The following PHF20 variants were observed in gnomAD, a reference collection of about 807,000 sequenced individuals.
The protein encoded by PHF20 is glioma-expressed antigen 2.
A neutral mutation model predicts 113.5 loss-of-function variants in PHF20; 23 were observed. The observed-to-expected ratio is 0.20, with a 90% CI of 0.15 to 0.29. PHF20 has a LOEUF of 0.29. Among genes scored for constraint, PHF20 ranks in the 10% least tolerant of loss-of-function variants. The pLI is 1.00. For synonymous variants in PHF20, 434 were observed against 457.3 expected (o/e 0.95, Z 0.65); for missense variants, 943 against 1,219.6 (o/e 0.77, Z 3.38).
chr20:35,776,341 C>G (rs1217988620), intron 1 of PHF20, among the ~76,000 whole-genome samples: 2 of 152,102 alleles, frequency 1.3e-5, no homozygotes, highest in Non-Finnish European at 2.9e-5. Flanking sequence ...CAGGATAAAG[C>G]TATGTTCCCC....
intron 4 of PHF20, among the ~76,000 whole-genome samples, chr20:35,856,102 C>A (rs2042823061): frequency 6.6e-6 from 1 of 152,076 alleles, no homozygotes; most frequent in African/African-American, 2.4e-5. Context: ...TTCCCCCACC[C>A]CTGCCTACTA....
intron 1 of PHF20, among the ~76,000 whole-genome samples, chr20:35,797,812 C>T (rs1426203018): frequency 2.0e-5 from 3 of 151,306 alleles, no homozygotes; most frequent in Admixed American, 6.6e-5. Flanking sequence ...CCACCATGCC[C>T]GGCTAATTTT....
intron 2 of PHF20, among the ~76,000 whole-genome samples, chr20:35,814,689 C>T (rs1329726187): frequency 4.8e-5 from 7 of 147,212 alleles, no homozygotes; most frequent in African/African-American, 1.2e-4. Context: ...CCGGCTAAAA[C>T]GGTGAAACCC....
chr20:35,927,726 T>A, intron 13 of PHF20, 54 bp from the exon 14 acceptor site: 8 of 1,400,754 alleles, frequency 5.7e-6, no homozygotes, highest in Non-Finnish European at 8.1e-6. Flanking sequence ...GTCTTACTTT[T>A]GGATGGAGAA....
intron 17 of PHF20, among the ~76,000 whole-genome samples, chr20:35,945,659 G>A (rs2056071925): frequency 6.6e-6 from 1 of 152,106 alleles, no homozygotes; most frequent in Admixed American, 6.6e-5. Flanking sequence ...CTACAGGCAG[G>A]CTGGGATAGC....
chr20:35,839,156 C>T (rs987728320), intron 2 of PHF20, among the ~76,000 whole-genome samples: 7 of 151,486 alleles, frequency 4.6e-5, no homozygotes, highest in Non-Finnish European at 8.8e-5. Flanking sequence ...TTTGGGAGGC[C>T]GAGGGGGGCG....
intron 2 of PHF20, among the ~76,000 whole-genome samples, chr20:35,825,229 C>A (rs1205372685): frequency 1.3e-5 from 2 of 152,070 alleles, no homozygotes; most frequent in Non-Finnish European, 2.9e-5. Context: ...TGGTATTGGC[C>A]CAGACTGGAC....
At chr20:35,845,185 A>G (rs2042601467) in intron 3 of PHF20, among the ~76,000 whole-genome samples, 2 of 150,618 alleles carry the variant, frequency 1.3e-5, no homozygotes, top group South Asian at 2.1e-4. Context: ...TATCTTTTGA[A>G]GCTTCATTTA....
chr20:35,823,655 G>A (rs6141569), intron 2 of PHF20, among the ~76,000 whole-genome samples: 3 of 142,632 alleles, frequency 2.1e-5, no homozygotes, highest in South Asian at 2.2e-4. Context: ...AAAAAAAAAA[G>A]GGGTGAAGAA....
intron 1 of PHF20, chr20:35,800,207 TAAA>T (rs201665318): frequency 6.6e-6 from 1 of 151,386 alleles, no homozygotes; most frequent in African/African-American, 2.4e-5. Context: ...GTTCTATGAT[TAAA>T]AAAAAATCTG....
chr20:35,841,407 C>T (rs1210229926), intron 2 of PHF20, among the ~76,000 whole-genome samples: 1 of 151,910 alleles, frequency 6.6e-6, no homozygotes, highest in Non-Finnish European at 1.5e-5. Context: ...TGTTCTGAAT[C>T]ATATAACTGT....
chr20:35,933,105 CT>C (rs112208395), intron 15 of PHF20, among the ~76,000 whole-genome samples: 15,002 of 143,902 alleles, frequency 0.1, 765 homozygotes, highest in Middle Eastern at 0.17. Context: ...CTAAATATTC[CT>C]TTTTTTTTTT....
chr20:35,840,407 A>C (rs1347586270), intron 2 of PHF20, among the ~76,000 whole-genome samples: 1 of 152,224 alleles, frequency 6.6e-6, no homozygotes, highest in Admixed American at 6.5e-5. Flanking sequence ...TGCTGGAAAC[A>C]GAAACCAGCC....
intron 2 of PHF20, among the ~76,000 whole-genome samples, chr20:35,813,707 A>G (rs996915193): frequency 6.6e-6 from 1 of 152,034 alleles, no homozygotes; most frequent in Non-Finnish European, 1.5e-5. Context: ...AAAATACAAA[A>G]ATTAGCCAGG....
At chr20:35,919,134 C>T (rs2055461401) in intron 13 of PHF20, among the ~76,000 whole-genome samples, 3 of 151,360 alleles carry the variant, frequency 2.0e-5, no homozygotes, top group African/African-American at 7.3e-5. Flanking sequence ...CGCCTGCCTC[C>T]ACTGCCCGAG....
chr20:35,881,555 AAG>A (rs1491174485), intron 9 of PHF20, among the ~76,000 whole-genome samples: 2 of 151,390 alleles, frequency 1.3e-5, no homozygotes, highest in African/African-American at 4.8e-5. Context: ...AAAAAAAAAA[AAG>A]AAAAAGAAAA....
intron 3 of PHF20, among the ~76,000 whole-genome samples, chr20:35,843,521 CAAAAAA>C (rs766671833): frequency 3.8e-5 from 2 of 53,190 alleles, no homozygotes. Flanking sequence ...TATTCCATCT[CAAAAAA>C]AAAAAAAAAA....
At chr20:35,889,798 G>A (rs1179431064) in intron 9 of PHF20, among the ~76,000 whole-genome samples, 6 of 151,802 alleles carry the variant, frequency 4.0e-5, no homozygotes, top group Admixed American at 1.3e-4. Context: ...GTGCAATCTC[G>A]TCTCACTGCA....
In PHF20 at chr20:35,949,021, G is replaced by A. The variant is rs1184604169; in HGVS notation, c.*1394G>A. 1 of 152,636 alleles carries A rather than the reference G, an allele frequency of 6.6e-6. No individual in the cohort carries two copies. Among genetic ancestry groups the A allele is most frequent in the Non-Finnish European group, 1.5e-5 (1 of 68,040 alleles). The allele number at this position is 152,636 out of a possible 1,614,324, so 9.5% of individuals were successfully genotyped here. ...GGAATAGTTAAGCACAGGTCATTGTGGACATGAATTCAGGCCTCTGTACTA... is the reference window on the plus strand; with the variant it reads ...GGAATAGTTAAGCACAGGTCATTGTAGACATGAATTCAGGCCTCTGTACTA... On this transcript the variant is annotated 3_prime_UTR_variant, in exon 18 of 18. Coordinates refer to ENST00000374012, the MANE Select transcript of PHF20 (RefSeq NM_016436.5).
Sources: allele counts gnomAD v4.1 joint callset (sites outside exome capture counted in the v4.1 genomes callset), GRCh38; gene constraint gnomAD v4.1.1; transcripts MANE v1.5; gene names NCBI Gene and HGNC (gene_info 2026-07-23, HGNC 2026-07-21).